The following TMEM135 variants were observed in gnomAD, a reference collection of about 807,000 sequenced individuals.
The protein encoded by TMEM135 is peroxisomal membrane protein 52.
Under a neutral mutation model 60.3 loss-of-function variants are expected in TMEM135, and 30 were observed. The observed-to-expected ratio is 0.50, with a 90% CI of 0.37 to 0.68. The LOEUF is 0.68. Among genes scored for constraint, TMEM135 ranks in the 30% least tolerant of loss-of-function variants. The pLI, the probability that TMEM135 is intolerant of heterozygous loss-of-function variation, is 0.00. For synonymous variants in TMEM135, 190 were observed against 186.7 expected, an observed-to-expected ratio of 1.02 and a Z score of -0.14; for missense variants, 468 against 548.8, an observed-to-expected ratio of 0.85 and a Z score of 1.47.
chr11:87,272,051 C>CTT (rs773654603), intron 6 of TMEM135, among the ~76,000 whole-genome samples: 10 of 81,160 alleles, frequency 1.2e-4, no homozygotes, highest in East Asian at 2.6e-4. Context: ...TTTTTCTTTT[C>CTT]TTTTTTTTTT....
At chr11:87,067,870 A>T in intron 2 of TMEM135, 49 bp downstream of exon 2, 1 of 1,605,660 alleles carries the variant, frequency 6.2e-7, no homozygotes, top group Non-Finnish European at 8.5e-7. Flanking sequence ...CTTCTATTGA[A>T]ATGGAAACAA....
At chr11:87,103,392 C>G (rs1253834629) in intron 4 of TMEM135, among the ~76,000 whole-genome samples, 1 of 151,404 alleles carries the variant, frequency 6.6e-6, no homozygotes, top group Non-Finnish European at 1.5e-5. Context: ...AGGTGTTAGG[C>G]AATATCTCAT....
chr11:87,084,673 A>G (rs1293612501), intron 3 of TMEM135, among the ~76,000 whole-genome samples: 1 of 152,198 alleles, frequency 6.6e-6, no homozygotes, highest in Non-Finnish European at 1.5e-5. Context: ...TGAGAGATTG[A>G]ATACCTTCTC....
intron 6 of TMEM135, among the ~76,000 whole-genome samples, chr11:87,266,705 TG>T (rs1251970658): frequency 6.6e-6 from 1 of 152,218 alleles, no homozygotes; most frequent in African/African-American, 2.4e-5. Flanking sequence ...AGGTCATATC[TG>T]TTAGCTTCTA....
chr11:87,296,918 A>AT (rs1214833399), intron 7 of TMEM135, among the ~76,000 whole-genome samples: 2 of 152,150 alleles, frequency 1.3e-5, no homozygotes, highest in Non-Finnish European at 2.9e-5. Flanking sequence ...AATATAAAAT[A>AT]TTTTTTGATA....
At chr11:87,218,633 T>G (rs1379668083) in intron 5 of TMEM135, among the ~76,000 whole-genome samples, 1 of 152,146 alleles carries the variant, frequency 6.6e-6, no homozygotes, top group East Asian at 1.9e-4. Context: ...TTGGAGCCAT[T>G]CATGATTCCA....
At chr11:87,158,699 C>T (rs1035499816) in intron 5 of TMEM135, among the ~76,000 whole-genome samples, 18 of 152,170 alleles carry the variant, frequency 1.2e-4, no homozygotes, top group African/African-American at 4.1e-4. Flanking sequence ...CTCCTGACCT[C>T]GTACTCCGCC....
intron 5 of TMEM135, among the ~76,000 whole-genome samples, chr11:87,186,052 A>G (rs569081093): frequency 1.3e-5 from 2 of 152,182 alleles, no homozygotes; most frequent in East Asian, 3.9e-4. Context: ...GACTACAGGC[A>G]TGTGCCACTA....
intron 5 of TMEM135, among the ~76,000 whole-genome samples, chr11:87,199,340 C>G (rs1021569795): frequency 6.6e-6 from 1 of 152,162 alleles, no homozygotes; most frequent in Non-Finnish European, 1.5e-5. Flanking sequence ...CTCTCCAAGA[C>G]GGTGCGTTCA....
intron 5 of TMEM135, among the ~76,000 whole-genome samples, chr11:87,217,188 C>A (rs1940520134): frequency 6.6e-6 from 1 of 152,100 alleles, no homozygotes; most frequent in Non-Finnish European, 1.5e-5. Context: ...CATGTGTGAT[C>A]CAGGGCTGAG....
intron 5 of TMEM135, among the ~76,000 whole-genome samples, chr11:87,215,670 G>T (rs1940483991): frequency 6.6e-6 from 1 of 152,146 alleles, no homozygotes; most frequent in African/African-American, 2.4e-5. Flanking sequence ...AGGAAGGATG[G>T]GGAACTTACC....
At chr11:87,063,950 G>A (rs1018983606) in intron 1 of TMEM135, among the ~76,000 whole-genome samples, 1 of 152,104 alleles carries the variant, frequency 6.6e-6, no homozygotes, top group Non-Finnish European at 1.5e-5. Flanking sequence ...TTTCTTTTGA[G>A]TAAAATACCC....
Position 87,324,197 on chromosome 11 carries a change from T to C in TMEM135, c.*2864T>C, listed in dbSNP as rs1201413629. On this transcript the variant is annotated 3_prime_UTR_variant, in exon 15 of 15. Transcript: ENST00000305494. ...ATTGTTTCCTGCTTATATTTTATCATATCCCTGAGCTTCTGTGTGCTCTAC... is the reference window on the plus strand; with the variant it reads ...ATTGTTTCCTGCTTATATTTTATCACATCCCTGAGCTTCTGTGTGCTCTAC... 4.4e-6 allele frequency: 2 copies of C among 453,956 alleles called. No individual in the cohort carries two copies. Among genetic ancestry groups the C allele is most frequent in the Non-Finnish European group, 8.8e-6 (2 of 226,774 alleles). 28.1% of individuals were successfully genotyped at this position (453,956 alleles called of 1,614,324 possible). A position where few individuals can be genotyped will look rare whatever the true frequency, so the allele number is the denominator to read the frequency against.
chr11:87,132,702 T>A (rs1937968599), intron 4 of TMEM135, among the ~76,000 whole-genome samples: 2 of 152,202 alleles, frequency 1.3e-5, no homozygotes, highest in Admixed American at 6.5e-5. Context: ...GTTTATTTAA[T>A]ATTTAATAAA....
chr11:87,158,224 C>A (rs1436080518), intron 5 of TMEM135, among the ~76,000 whole-genome samples: 1 of 152,072 alleles, frequency 6.6e-6, no homozygotes, highest in Admixed American at 6.6e-5. Context: ...CCATGCCTAG[C>A]CCTTAGAATT....
intron 6 of TMEM135, among the ~76,000 whole-genome samples, chr11:87,281,761 T>G (rs1942063843): frequency 6.6e-6 from 1 of 152,208 alleles, no homozygotes; most frequent in South Asian, 2.1e-4. Flanking sequence ...TATGTATACT[T>G]ATGAGCAAAA....
intron 5 of TMEM135, among the ~76,000 whole-genome samples, chr11:87,194,254 G>C (rs1650717054): frequency 1.3e-5 from 2 of 152,140 alleles, no homozygotes; most frequent in African/African-American, 4.8e-5. Flanking sequence ...GCTGTTTCTT[G>C]CACGTATTCT....
chr11:87,153,183 G>T (rs1023364808), intron 4 of TMEM135, among the ~76,000 whole-genome samples: 85 of 152,234 alleles, frequency 5.6e-4, no homozygotes, highest in African/African-American at 1.9e-3. Context: ...TGCCAGGCTA[G>T]AAAAATAAAA....
chr11:87,216,828 A>G (rs1358221920), intron 5 of TMEM135, among the ~76,000 whole-genome samples: 11 of 152,240 alleles, frequency 7.2e-5, no homozygotes, highest in African/African-American at 2.2e-4. Context: ...TTACTTTAAA[A>G]TGATGCTTTA....
Sources: gnomAD v4.1 joint callset for allele counts (sites outside exome capture counted in the v4.1 genomes callset) on GRCh38, gnomAD v4.1.1 for gene constraint, MANE v1.5 for transcripts, NCBI Gene and HGNC (gene_info 2026-07-23, HGNC 2026-07-21) for gene names.